GORASP2: variants seen among roughly 807,000 people sequenced by gnomAD.
GORASP2 encodes golgi reassembly stacking protein 2.
Under a neutral mutation model 45.7 loss-of-function variants are expected in GORASP2, and 22 were observed. The observed-to-expected ratio is 0.48, with a 90% confidence interval of 0.34 to 0.69. GORASP2 has a LOEUF of 0.69. GORASP2 is among the 30% of genes least tolerant of loss of function. GORASP2 has a pLI of 0.01. For missense variants in GORASP2, 491 were observed against 562.7 expected (o/e 0.87, Z 1.29); for synonymous variants, 221 against 215.6 (o/e 1.02, Z -0.22).
chr2:170,948,505 G>A (rs886522100), intron 2 of GORASP2, 75 bp downstream of exon 2: 26 of 759,208 alleles, frequency 3.4e-5, no homozygotes, highest in Non-Finnish European at 5.0e-5. Flanking sequence ...GATGACCTGA[G>A]ATGGGTATTT....
chr2:170,949,891 A>G (rs548438336), intron 3 of GORASP2, 149 bp downstream of exon 3: 3 of 652,550 alleles, frequency 4.6e-6, no homozygotes, highest in East Asian at 5.4e-5. Context: ...CTTTTTAAGT[A>G]TGGATCAATT....
intron 7 of GORASP2, 56 bp from the exon 8 acceptor site, chr2:170,961,607 T>C (rs375570880): frequency 5.7e-5 from 54 of 944,600 alleles, no homozygotes; most frequent in Non-Finnish European, 8.6e-5. Flanking sequence ...ATGTGTTCTG[T>C]TCATTTCTTG....
chr2:170,949,067 CTTTA>C (rs936055329), intron 2 of GORASP2, among the ~76,000 whole-genome samples: 3 of 152,088 alleles, frequency 2.0e-5, no homozygotes, highest in African/African-American at 7.2e-5. Context: ...AACATCTGGC[CTTTA>C]TTTGTTTATG....
intron 1 of GORASP2, among the ~76,000 whole-genome samples, chr2:170,937,633 GAGAA>G (rs1703986245): frequency 6.6e-6 from 1 of 152,072 alleles, no homozygotes; most frequent in African/African-American, 2.4e-5. Flanking sequence ...TTGAGAGCTT[GAGAA>G]AGAAAAAGAA....
At chr2:170,948,841 A>G (rs1704235192) in intron 2 of GORASP2, 1 of 156,164 alleles carries the variant, frequency 6.4e-6, no homozygotes, top group African/African-American at 2.4e-5. Context: ...GAATAATGTT[A>G]TTAGAACCAG....
rs529831388 is a variant in GORASP2 at position 170,942,611 on chromosome 2, G to T, written c.64-5739G>T. On this transcript the variant is annotated intron_variant, in intron 1 of 9. Coordinates refer to ENST00000234160, the MANE Select transcript of GORASP2 (RefSeq NM_015530.5). ...TTGTTTATCCATTTATCAGTTGGGG[G>T]ACATTTGGGCTGTTTCTACGTTAGG... Among the ~76,000 whole-genome samples, 37 of 152,288 alleles carry T rather than the reference G, an allele frequency of 2.4e-4. No individual in the cohort carries two copies. In the South Asian group the frequency reaches 7.7e-3, roughly 32 times the overall value.
intron 1 of GORASP2, among the ~76,000 whole-genome samples, chr2:170,939,977 T>C (rs1704035949): frequency 6.9e-6 from 1 of 144,916 alleles, no homozygotes; most frequent in African/African-American, 2.5e-5. Flanking sequence ...TCTCCACTGT[T>C]TTTAAAAGCA....
At chr2:170,932,598 A>G (rs1703854457) in intron 1 of GORASP2, among the ~76,000 whole-genome samples, 1 of 152,232 alleles carries the variant, frequency 6.6e-6, no homozygotes, top group Non-Finnish European at 1.5e-5. Context: ...ATTTTAGTAA[A>G]TAACTACATT....
rs1704678645 is a variant in GORASP2 at position 170,965,978 on chromosome 2, A to G, written c.1207A>G (p.Lys403Glu). 2 of 1,613,876 alleles carry G rather than the reference A, an allele frequency of 1.2e-6. No homozygotes were observed. Among genetic ancestry groups the G allele is most frequent in the Non-Finnish European group, 1.7e-6 (2 of 1,179,886 alleles). The change falls in exon 10 of 10, where the codon AAG (lysine) becomes GAG (glutamate). Residue 403 changes from lysine to glutamate, a missense_variant. By Grantham distance (56) the Lys-to-Glu change is moderately conservative. Around this residue, in one of 2 missense-constraint regions of GORASP2, gnomAD observed 297 missense variants for 292.3 expected, o/e 1.02. Coordinates refer to ENST00000234160, the MANE Select transcript of GORASP2 (RefSeq NM_015530.5). ...CTCCGACCCTGCCACAACTACTGCA[A>G]AGGCAGACGCTGCCTCCTCACTCAC... Reference protein sequence around the residue: ...APSDPATTTAKADAASSLTVD... With the variant: ...APSDPATTTAEADAASSLTVD...
chr2:170,930,189 A>T (rs1703785444), intron 1 of GORASP2, among the ~76,000 whole-genome samples: 1 of 152,246 alleles, frequency 6.6e-6, no homozygotes, highest in African/African-American at 2.4e-5. Context: ...CAGGACGCAG[A>T]GAAACATAGT....
chr2:170,939,318 T>A (rs567762187), intron 1 of GORASP2, among the ~76,000 whole-genome samples: 1 of 152,376 alleles, frequency 6.6e-6, no homozygotes, highest in African/African-American at 2.4e-5. Context: ...TGCTTTGTTT[T>A]GGAAGAACAT....
At chr2:170,933,436 A>G (rs2105309354) in intron 1 of GORASP2, among the ~76,000 whole-genome samples, 1 of 152,296 alleles carries the variant, frequency 6.6e-6, no homozygotes. Context: ...AAATTAAACC[A>G]AAATATCCAA....
intron 7 of GORASP2, among the ~76,000 whole-genome samples, chr2:170,959,668 C>T (rs1288003799): frequency 6.6e-6 from 1 of 152,026 alleles, no homozygotes; most frequent in Non-Finnish European, 1.5e-5. Context: ...ACTGTAGAGA[C>T]ATAAAAGTAA....
At chr2:170,942,362 G>A (rs1704096346) in intron 1 of GORASP2, among the ~76,000 whole-genome samples, 1 of 152,132 alleles carries the variant, frequency 6.6e-6, no homozygotes, top group African/African-American at 2.4e-5. Context: ...AAACCCATAT[G>A]TATTAGTAGC....
At chr2:170,957,849 T>TG (rs1276191963) in intron 7 of GORASP2, among the ~76,000 whole-genome samples, 7 of 151,996 alleles carry the variant, frequency 4.6e-5, no homozygotes, top group Non-Finnish European at 8.8e-5. Context: ...TTTGTAGGGC[T>TG]GGGGTCTCTC....
intron 9 of GORASP2, among the ~76,000 whole-genome samples, chr2:170,963,473 C>CCCCCCT (rs1559316839): frequency 7.8e-6 from 1 of 127,588 alleles, no homozygotes; most frequent in African/African-American, 2.8e-5. Context: ...CTCCTCCTCC[C>CCCCCCT]CCTCCTCCTC....
chr2:170,953,355 T>TAATAAATA lies in GORASP2; in HGVS notation c.567-1272_567-1265dup, dbSNP rs138818793. Among the ~76,000 whole-genome samples the TAATAAATA allele has an allele frequency of 3.1e-3, 467 of 149,950 alleles. 4 individuals are homozygous for TAATAAATA. Among genetic ancestry groups the TAATAAATA allele is most frequent in the African/African-American group, 0.011 (430 of 40,652 alleles). On this transcript the variant is annotated intron_variant, in intron 5 of 9. Transcript: ENST00000234160. ...TGGGCAACAGAATAATAAATTGTCT[T>TAATAAATA]AATAAATAAATAAATAAATAAATAA...
upstream of GORASP2, chr2:170,928,874 G>T (rs112680776): frequency 3.4e-3 from 529 of 154,470 alleles, 8 homozygotes; most frequent in African/African-American, 0.012. Context: ...AGAGAGCTTG[G>T]TGTGTGTTGA....
chr2:170,948,338 T>C lies in GORASP2; in HGVS notation c.64-12T>C. ...TTTACATTTTTTATTTTTGTCGTTTTTGTTTCCGCAGGTACAAGAAAATTC... is the reference window on the plus strand; with the variant it reads ...TTTACATTTTTTATTTTTGTCGTTTCTGTTTCCGCAGGTACAAGAAAATTC... On this transcript the variant is annotated splice_polypyrimidine_tract_variant and intron_variant, in intron 1 of 9. Coordinates refer to ENST00000234160, the MANE Select transcript of GORASP2 (RefSeq NM_015530.5). The C allele has an allele frequency of 6.5e-7, 1 of 1,528,972 alleles. No individual in the cohort carries two copies. 94.7% of individuals were successfully genotyped at this position (1,528,972 alleles called of 1,614,324 possible).
Sources: allele counts gnomAD v4.1 joint callset (sites outside exome capture counted in the v4.1 genomes callset), GRCh38; gene constraint gnomAD v4.1.1; regional missense constraint gnomAD v4.1.1; transcripts MANE v1.5; gene names NCBI Gene and HGNC (gene_info 2026-07-23, HGNC 2026-07-21).